The following ASXL3 variants were observed in gnomAD, a reference collection of about 807,000 sequenced individuals.
ASXL3 encodes ASXL transcriptional regulator 3.
ASXL3 carries 34 observed loss-of-function variants against 170.6 expected under a neutral mutation model. The ratio of observed to expected loss-of-function variants is 0.20; its 90% CI spans 0.15 to 0.27. The LOEUF is 0.27. ASXL3 is among the 10% of genes least tolerant of loss of function. ASXL3 has a pLI of 1.00. For missense variants in ASXL3, 2,592 were observed against 2,695.3 expected, an observed-to-expected ratio of 0.96 and a Z score of 0.85; for synonymous variants, 1,002 against 989.1, an observed-to-expected ratio of 1.01 and a Z score of -0.24.
intron 1 of ASXL3, among the ~76,000 whole-genome samples, chr18:33,597,477 A>T (rs1041543998): frequency 6.6e-6 from 1 of 152,048 alleles, no homozygotes; most frequent in African/African-American, 2.4e-5. Flanking sequence ...ACTACGTCTC[A>T]TTATTTTGGA....
At chr18:33,725,568 T>A (rs1266615472) in intron 8 of ASXL3, among the ~76,000 whole-genome samples, 2 of 152,170 alleles carry the variant, frequency 1.3e-5, no homozygotes, top group African/African-American at 2.4e-5. Flanking sequence ...TCTATACCCA[T>A]GTTTCCAACT....
At chr18:33,689,280 C>T (rs1372847323) in intron 8 of ASXL3, among the ~76,000 whole-genome samples, 1 of 152,220 alleles carries the variant, frequency 6.6e-6, no homozygotes, top group Non-Finnish European at 1.5e-5. Flanking sequence ...AGGCATTAGC[C>T]ACCGCGCTCA....
chr18:33,720,943 C>T (rs1410443034), intron 8 of ASXL3, among the ~76,000 whole-genome samples: 1 of 152,012 alleles, frequency 6.6e-6, no homozygotes, highest in African/African-American at 2.4e-5. Flanking sequence ...AAGGGAAATC[C>T]CATGTAAGCA....
In ASXL3 at chr18:33,646,230, T is replaced by C. The variant is rs2145201657; in HGVS notation, c.247-15T>C. The C allele has an allele frequency of 6.2e-7, 1 of 1,603,170 alleles. No individual in the cohort carries two copies. Among genetic ancestry groups the C allele is most frequent in the East Asian group, 2.2e-5 (1 of 44,672 alleles). ...ACATCTTCTCCATAAATCATCACTT[T>C]TCAAAATAATACAGAAAGAGGAGTC... On this transcript the variant is annotated splice_polypyrimidine_tract_variant and intron_variant, in intron 3 of 11. Transcript: ENST00000269197.
chr18:33,632,551 A>G (rs1298647200), intron 2 of ASXL3, among the ~76,000 whole-genome samples: 1 of 152,118 alleles, frequency 6.6e-6, no homozygotes, highest in African/African-American at 2.4e-5. Flanking sequence ...TCTTAATTAT[A>G]CCACCATTCT....
intron 7 of ASXL3, among the ~76,000 whole-genome samples, chr18:33,672,080 T>C (rs2145257196): frequency 6.6e-6 from 1 of 152,284 alleles, no homozygotes; most frequent in East Asian, 1.9e-4. Flanking sequence ...AATGATAATA[T>C]TGGATGAAGC....
chr18:33,662,118 T>G (rs574424481), intron 5 of ASXL3, among the ~76,000 whole-genome samples: 1 of 152,216 alleles, frequency 6.6e-6, no homozygotes, highest in Non-Finnish European at 1.5e-5. Flanking sequence ...TGATAATTTA[T>G]TTCTTGTTAC....
chr18:33,649,976 GGC>G (rs2065972813), intron 4 of ASXL3, among the ~76,000 whole-genome samples: 1 of 152,030 alleles, frequency 6.6e-6, no homozygotes, highest in Non-Finnish European at 1.5e-5. Context: ...TGGATGAGGT[GGC>G]ATCAGCGGCT....
chr18:33,703,653 C>T (rs762275736), intron 8 of ASXL3, among the ~76,000 whole-genome samples: 15 of 152,080 alleles, frequency 9.9e-5, no homozygotes, highest in Non-Finnish European at 2.2e-4. Flanking sequence ...GGATAAATCA[C>T]TCCCCCCCAA....
chr18:33,579,656 A>T (rs757527054), intron 1 of ASXL3, among the ~76,000 whole-genome samples: 10 of 151,158 alleles, frequency 6.6e-5, no homozygotes, highest in Non-Finnish European at 1.3e-4. Context: ...CTGTAAAAGG[A>T]TTTTTCAAAA....
rs763838674 is a variant in ASXL3 at position 33,739,318 on chromosome 18, A to G, written c.1914A>G (p.Glu638=). Residue 638 remains glutamate, a synonymous_variant, in exon 11 of 12, where the codon GAA becomes GAG. Coordinates refer to ENST00000269197, the MANE Select transcript of ASXL3 (RefSeq NM_030632.3). ...GGGAAACACAGTCCACATCAGAAGA[A>G]TCATGTACTCCAGCCTCCCTTGAGA... ...PGGETQSTSE[E]SCTPASLETT... is the part of the protein sequence containing the mutation. 2 of 1,613,582 alleles carry G rather than the reference A, an allele frequency of 1.2e-6. No individual in the cohort carries two copies. The highest frequency in any genetic ancestry group is 2.2e-5 in the South Asian group (2 of 91,002).
intron 1 of ASXL3, among the ~76,000 whole-genome samples, chr18:33,601,360 A>G (rs2065180854): frequency 1.3e-5 from 2 of 151,866 alleles, no homozygotes; most frequent in South Asian, 4.1e-4. Context: ...TAAGTGCTTT[A>G]TATTCATTAT....
At chr18:33,604,832 A>T (rs1472119869) in intron 1 of ASXL3, among the ~76,000 whole-genome samples, 1 of 151,978 alleles carries the variant, frequency 6.6e-6, no homozygotes, top group African/African-American at 2.4e-5. Flanking sequence ...ATGGTAGAGG[A>T]TGCCTCACTA....
intron 2 of ASXL3, among the ~76,000 whole-genome samples, chr18:33,628,241 T>C (rs2065628932): frequency 6.6e-6 from 1 of 152,118 alleles, no homozygotes; most frequent in African/African-American, 2.4e-5. Context: ...TGGAAAGATC[T>C]ATTATTTGGC....
chr18:33,674,194 G>C (rs1404702733), intron 7 of ASXL3, among the ~76,000 whole-genome samples: 1 of 152,170 alleles, frequency 6.6e-6, no homozygotes, highest in Admixed American at 6.5e-5. Context: ...ATTTTGGATA[G>C]AATCTGAATG....
intron 8 of ASXL3, among the ~76,000 whole-genome samples, chr18:33,704,531 C>G (rs2066927110): frequency 6.6e-6 from 1 of 151,928 alleles, no homozygotes; most frequent in Non-Finnish European, 1.5e-5. Flanking sequence ...TCTTTGACAG[C>G]CATTGGGGAT....
At chr18:33,720,967 T>C (rs1407992181) in intron 8 of ASXL3, among the ~76,000 whole-genome samples, 1 of 151,896 alleles carries the variant, frequency 6.6e-6, no homozygotes, top group Admixed American at 6.6e-5. Flanking sequence ...TAGTTGAAAC[T>C]GAATACCTGA....
At chr18:33,640,827 G>T (rs988302740) in intron 2 of ASXL3, among the ~76,000 whole-genome samples, 2 of 142,966 alleles carry the variant, frequency 1.4e-5, no homozygotes, top group African/African-American at 5.3e-5. Flanking sequence ...ACTAATTATG[G>T]TGTTTAATAA....
chr18:33,727,466 A>G (rs2067370819), intron 8 of ASXL3, among the ~76,000 whole-genome samples: 1 of 152,160 alleles, frequency 6.6e-6, no homozygotes, highest in Non-Finnish European at 1.5e-5. Context: ...GATCCATACC[A>G]AAGACAAATG....
Sources: allele counts gnomAD v4.1 joint callset (sites outside exome capture counted in the v4.1 genomes callset), GRCh38; gene constraint gnomAD v4.1.1; transcripts MANE v1.5; gene names NCBI Gene and HGNC (gene_info 2026-07-23, HGNC 2026-07-21).